The following PCDHA8 variants were observed in gnomAD, a reference collection of about 807,000 sequenced individuals.
PCDHA8 encodes protocadherin alpha 8.
PCDHA8 carries 53 observed loss-of-function variants against 61.8 expected under a neutral mutation model. That is an observed-to-expected ratio of 0.86 (90% CI 0.69 to 1.08). The LOEUF (loss-of-function observed/expected upper bound fraction) is 1.08. PCDHA8 is among the 50% of genes least tolerant of loss of function. The probability of loss-of-function intolerance (pLI) is 0.00; values close to 1 mark genes in which losing one functional copy is unlikely to be tolerated. For missense variants in PCDHA8, 1,293 were observed against 1,245.0 expected (o/e 1.04, Z -0.58); for synonymous variants, 618 against 556.6 (o/e 1.11, Z -1.55).
At chr5:140,908,530 T>G (rs1554193400) in intron 1 of PCDHA8, among the ~76,000 whole-genome samples, 1 of 152,148 alleles carries the variant, frequency 6.6e-6, no homozygotes, top group African/African-American at 2.4e-5. Flanking sequence ...AATGTTCAGT[T>G]TCCACCAAAG....
chr5:140,981,744 G>C (rs1586900543), intron 2 of PCDHA8, among the ~76,000 whole-genome samples: 1 of 151,900 alleles, frequency 6.6e-6, no homozygotes, highest in Admixed American at 6.6e-5. Context: ...ATTAATATGA[G>C]TTAGTATTAG....
chr5:140,902,866 C>T (rs1449193268), intron 1 of PCDHA8, among the ~76,000 whole-genome samples: 1 of 152,186 alleles, frequency 6.6e-6, no homozygotes, highest in Non-Finnish European at 1.5e-5. Context: ...TCCAGGTCCA[C>T]CCAAGCTGCT....
intron 3 of PCDHA8, among the ~76,000 whole-genome samples, chr5:141,000,522 G>A (rs1294045842): frequency 4.2e-5 from 6 of 143,688 alleles, no homozygotes; most frequent in African/African-American, 1.6e-4. Context: ...CCTTCTCCAG[G>A]GTTCAAGTGA....
Position 140,841,979 on chromosome 5 carries a change from C to A in PCDHA8, c.658C>A (p.Pro220Thr), listed in dbSNP as rs1316425759. 6.2e-7 allele frequency: 1 copy of A among 1,613,850 alleles called. No homozygotes were observed. Among genetic ancestry groups the A allele is most frequent in the East Asian group, 2.2e-5 (1 of 44,872 alleles). ...CCTGACAGCCACAGATGGGGGCAAA[C>A]CTGAGCTCACAGGCACTGTTCAGCT... ...LFLTATDGGK[P>T]ELTGTVQLLV... Residue 220 changes from proline (P) to threonine (T), a missense_variant, in exon 1 of 4, where the codon CCT becomes ACT. Pro to Thr is a conservative substitution (Grantham distance 38). Transcript: ENST00000531613.
intron 1 of PCDHA8, among the ~76,000 whole-genome samples, chr5:140,924,936 TAAAAA>T (rs2082205335): frequency 8.1e-6 from 1 of 123,442 alleles, no homozygotes; most frequent in East Asian, 2.8e-4. Context: ...TAAAATAAAA[TAAAAA>T]GTTAAAAAAA....
intron 3 of PCDHA8, among the ~76,000 whole-genome samples, chr5:140,999,234 G>T (rs1327126129): frequency 1.3e-5 from 2 of 152,232 alleles, no homozygotes; most frequent in African/African-American, 4.8e-5. Context: ...AGAATAGGTG[G>T]TTAAAGTGGG....
intron 1 of PCDHA8, chr5:140,851,974 CT>C (rs1190115566): frequency 2.0e-6 from 2 of 976,536 alleles, no homozygotes; most frequent in African/African-American, 3.5e-5. Context: ...CACACTCTAC[CT>C]TTAGTGCAAG....
rs1777672472 is a variant in PCDHA8 at position 140,842,052 on chromosome 5, A to T, written c.731A>T (p.Gln244Leu). ...DVNDNAPTFEQSEYEVRIFEN... is the reference protein window; with the variant it reads ...DVNDNAPTFELSEYEVRIFEN... ...AATGATAATGCTCCCACTTTCGAAC[A>T]GTCTGAATACGAAGTAAGAATATTC... The change falls in exon 1 of 4, where the codon CAG becomes CTG. Residue 244 changes from glutamine to leucine, a missense_variant. Physicochemically the swap from Gln to Leu is moderately radical, Grantham distance 113. Transcript: ENST00000531613. The T allele has an allele frequency of 6.2e-7, 1 of 1,613,748 alleles. No homozygotes were observed. Among genetic ancestry groups the T allele is most frequent in the African/African-American group, 1.3e-5 (1 of 74,848 alleles).
chr5:140,994,394 T>C (rs1332946220), intron 3 of PCDHA8, among the ~76,000 whole-genome samples: 1 of 152,110 alleles, frequency 6.6e-6, no homozygotes, highest in African/African-American at 2.4e-5. Flanking sequence ...AGTCAGAGAT[T>C]ATTTGACATT....
At chr5:140,954,287 TG>T (rs1353316805) in intron 1 of PCDHA8, among the ~76,000 whole-genome samples, 1 of 152,248 alleles carries the variant, frequency 6.6e-6, no homozygotes, top group Non-Finnish European at 1.5e-5. Flanking sequence ...TATATTCCTT[TG>T]GGTACATACC....
rs1554262820 is a variant in PCDHA8, at chr5:141,010,243, G to A, written c.*306G>A. On this transcript the variant is annotated 3_prime_UTR_variant, in exon 4 of 4. Coordinates refer to ENST00000531613, the MANE Select transcript of PCDHA8 (RefSeq NM_018911.3). The stretch of plus-strand genomic sequence containing the variant: ...TTCCCAGCCCCGCCAGTGAGAGGTT[G>A]GACTCTCTGCCCTGTGCTCCGGGGA... 1 of 1,551,890 alleles carries A rather than the reference G, an allele frequency of 6.4e-7. No individual in the cohort carries two copies. Among genetic ancestry groups the A allele is most frequent in the Non-Finnish European group, 8.7e-7 (1 of 1,147,036 alleles).
intron 1 of PCDHA8, chr5:140,871,041 T>G (rs782091626): frequency 6.2e-7 from 1 of 1,613,310 alleles, no homozygotes; most frequent in South Asian, 1.1e-5. Flanking sequence ...GCCACCGACT[T>G]CTAGTACTGG....
At chr5:140,903,787 A>G (rs782220484) in intron 1 of PCDHA8, among the ~76,000 whole-genome samples, 10 of 152,174 alleles carry the variant, frequency 6.6e-5, no homozygotes, top group Non-Finnish European at 1.3e-4. Context: ...TAAACTATCT[A>G]TGGTTGTAAT....
intron 1 of PCDHA8, chr5:140,929,486 T>G (rs1258020318): frequency 8.8e-7 from 1 of 1,141,828 alleles, no homozygotes; most frequent in Non-Finnish European, 1.2e-6. Flanking sequence ...TATAGAAGTA[T>G]TAGAAGATTG....
chr5:140,968,682 C>T, intron 1 of PCDHA8: 1 of 1,614,128 alleles, frequency 6.2e-7, no homozygotes, highest in Non-Finnish European at 8.5e-7. Flanking sequence ...GAGCTGCACA[C>T]AGGAGAAATT....
At chr5:140,998,850 A>T (rs904977478) in intron 3 of PCDHA8, among the ~76,000 whole-genome samples, 1 of 152,234 alleles carries the variant, frequency 6.6e-6, no homozygotes, top group African/African-American at 2.4e-5. Context: ...GGTGTGAGCC[A>T]CATGCCTGGC....
chr5:141,010,353 G>T lies in PCDHA8; in HGVS notation c.*416G>T. On this transcript the variant is annotated 3_prime_UTR_variant, in exon 4 of 4. Transcript: ENST00000531613. Reference sequence around the variant, plus strand: ...AGTTTGTGGCCACTGGGTATGTGTGGCTACCGCGGGTATGCGAGTGCCAGA... The same window carrying T: ...AGTTTGTGGCCACTGGGTATGTGTGTCTACCGCGGGTATGCGAGTGCCAGA... The T allele has an allele frequency of 6.6e-7, 1 of 1,507,486 alleles. No homozygotes were observed. Among genetic ancestry groups the T allele is most frequent in the Non-Finnish European group, 8.9e-7 (1 of 1,128,244 alleles). 93.4% of individuals were successfully genotyped at this position (1,507,486 alleles called of 1,614,324 possible).
intron 1 of PCDHA8, chr5:140,884,079 A>T (rs2059982825): frequency 3.1e-6 from 5 of 1,613,504 alleles, no homozygotes; most frequent in Non-Finnish European, 4.2e-6. Context: ...TCGGGCTACA[A>T]TGCGTGGCTT....
chr5:140,993,631 G>C (rs1466996708), intron 3 of PCDHA8, among the ~76,000 whole-genome samples: 1 of 152,046 alleles, frequency 6.6e-6, no homozygotes, highest in African/African-American at 2.4e-5. Context: ...ATATATAGTC[G>C]TGTACCAAAT....
Sources: allele counts gnomAD v4.1 joint callset (sites outside exome capture counted in the v4.1 genomes callset), GRCh38; gene constraint gnomAD v4.1.1; transcripts MANE v1.5; gene names NCBI Gene and HGNC (gene_info 2026-07-23, HGNC 2026-07-21).